CAST: variants seen among roughly 807,000 people sequenced by gnomAD.
CAST encodes the protein calpastatin.
A neutral mutation model predicts 119.6 loss-of-function variants in CAST; 76 were observed. That is an observed-to-expected ratio of 0.64 (90% CI 0.53 to 0.77). The LOEUF (loss-of-function observed/expected upper bound fraction) is 0.77. CAST is among the 30% of genes least tolerant of loss of function. The pLI, the probability that CAST is intolerant of heterozygous loss-of-function variation, is 0.00. For missense variants in CAST, 953 were observed against 946.5 expected (o/e 1.01, Z -0.09); for synonymous variants, 319 against 331.6 (o/e 0.96, Z 0.41).
chr5:96,570,515 G>C (rs1422598604), intron 1 of CAST, among the ~76,000 whole-genome samples: 5 of 151,832 alleles, frequency 3.3e-5, no homozygotes. Context: ...AGGGAGTGAG[G>C]GAGAAAAGCC....
intron 1 of CAST, among the ~76,000 whole-genome samples, chr5:96,583,061 G>T (rs889739094): frequency 6.6e-6 from 1 of 152,140 alleles, no homozygotes; most frequent in African/African-American, 2.4e-5. Context: ...CTGAGAAATC[G>T]CTGTTAGAAT....
At chr5:96,115,948 G>A in the CAST span, among the ~76,000 whole-genome samples, 6 of 147,938 alleles carry the variant, frequency 4.1e-5, no homozygotes, top group African/African-American at 1.5e-4. Flanking sequence ...TAGCTTTATT[G>A]AGGTATGATT....
chr5:96,320,135 G>A, the CAST span, among the ~76,000 whole-genome samples: 1 of 150,792 alleles, frequency 6.6e-6, no homozygotes, highest in African/African-American at 2.4e-5. Flanking sequence ...GGGCTCTGCA[G>A]TAACTACTCC....
intron 1 of CAST, among the ~76,000 whole-genome samples, chr5:96,557,106 A>G (rs1229982037): frequency 2.0e-5 from 3 of 152,072 alleles, no homozygotes; most frequent in Non-Finnish European, 4.4e-5. Flanking sequence ...ATCCAGCCAA[A>G]CTAAGCTTCA....
rs566430843 is a variant in CAST at position 96,550,572 on chromosome 5, G to A, written c.60+20692G>A. On this transcript the variant is annotated intron_variant, in intron 1 of 11. Transcript: ENST00000505143. ...ACTGGACAGAGAATGAGTTTGACGA[G>A]TTGACAGAAGTAGGCTTCAGAAGGT... Among the ~76,000 whole-genome samples, 4 of 152,314 alleles carry A rather than the reference G, an allele frequency of 2.6e-5. No homozygotes were observed. The South Asian group carries it at 8.3e-4, about 32-fold the overall frequency.
the CAST span, among the ~76,000 whole-genome samples, chr5:95,996,784 A>AT: frequency 6.6e-6 from 1 of 152,184 alleles, no homozygotes; most frequent in African/African-American, 2.4e-5. Flanking sequence ...ACATTTTAAT[A>AT]TTTTTTCAGG....
chr5:96,227,935 G>T, the CAST span, among the ~76,000 whole-genome samples: 2 of 152,126 alleles, frequency 1.3e-5, no homozygotes, highest in Admixed American at 6.5e-5. Context: ...AAAATAAAAA[G>T]TGCCTTGATA....
chr5:96,682,386 T>C (rs1309967212), intron 2 of CAST, among the ~76,000 whole-genome samples: 1 of 152,234 alleles, frequency 6.6e-6, no homozygotes, highest in Non-Finnish European at 1.5e-5. Context: ...TTGTGTCCCC[T>C]TCTTATCCTC....
chr5:96,365,370 A>G, the CAST span, among the ~76,000 whole-genome samples: 2 of 151,988 alleles, frequency 1.3e-5, no homozygotes, highest in Non-Finnish European at 2.9e-5. Flanking sequence ...TTCAATTCCC[A>G]GATATCCTTG....
chr5:96,184,654 A>G, the CAST span, among the ~76,000 whole-genome samples: 6 of 151,752 alleles, frequency 4.0e-5, no homozygotes, highest in Non-Finnish European at 8.9e-5. Flanking sequence ...TGGCTTCCAA[A>G]TCCATCCATG....
At chr5:96,131,927 G>A in the CAST span, among the ~76,000 whole-genome samples, 1 of 152,154 alleles carries the variant, frequency 6.6e-6, no homozygotes. Context: ...ATCAGCAAGA[G>A]TAGCAGGGTA....
the CAST span, among the ~76,000 whole-genome samples, chr5:96,144,152 T>C: frequency 6.6e-6 from 1 of 152,238 alleles, no homozygotes; most frequent in Non-Finnish European, 1.5e-5. Flanking sequence ...ATTATTGTCC[T>C]AAGTGAAAAT....
At chr5:96,389,298 T>C in the CAST span, among the ~76,000 whole-genome samples, 10 of 152,218 alleles carry the variant, frequency 6.6e-5, no homozygotes, top group East Asian at 1.9e-4. Flanking sequence ...AGAATGGATA[T>C]GTTAATTTGC....
the CAST span, among the ~76,000 whole-genome samples, chr5:96,139,920 A>G: frequency 4.1e-3 from 627 of 152,268 alleles, 14 homozygotes; most frequent in South Asian, 0.046. Context: ...TAGAACCTAG[A>G]AAGTTGATTG....
the CAST span, chr5:96,379,559 C>G: frequency 6.6e-6 from 1 of 152,064 alleles, no homozygotes; most frequent in Non-Finnish European, 1.5e-5. Context: ...AATTACCTGT[C>G]TTTTAGGGCC....
the CAST span, among the ~76,000 whole-genome samples, chr5:96,519,015 C>T: frequency 3.3e-5 from 5 of 152,044 alleles, no homozygotes; most frequent in East Asian, 7.7e-4. Flanking sequence ...GAGCTGAGAT[C>T]GCGCCACAGC....
chr5:96,174,737 A>G, the CAST span, among the ~76,000 whole-genome samples: 23 of 152,230 alleles, frequency 1.5e-4, no homozygotes, highest in Admixed American at 3.3e-4. Context: ...CAATCAAAAT[A>G]AGTAAAAATG....
the CAST span, among the ~76,000 whole-genome samples, chr5:96,480,081 G>A: frequency 6.6e-6 from 1 of 152,144 alleles, no homozygotes; most frequent in East Asian, 1.9e-4. Flanking sequence ...TTAATCCTAA[G>A]AGCTTTGGAA....
chr5:96,443,619 T>A, the CAST span, among the ~76,000 whole-genome samples: 1 of 152,242 alleles, frequency 6.6e-6, no homozygotes, highest in African/African-American at 2.4e-5. Context: ...TCAGTGGTTA[T>A]CGATTATTGC....
Sources: gnomAD v4.1 joint callset for allele counts (sites outside exome capture counted in the v4.1 genomes callset) on GRCh38, gnomAD v4.1.1 for gene constraint, MANE v1.5 for transcripts, NCBI Gene and HGNC (gene_info 2026-07-23, HGNC 2026-07-21) for gene names.